The following STAB2 variants were observed in gnomAD, a reference collection of about 807,000 sequenced individuals.
The protein encoded by STAB2 is stabilin 2, also known as stabilin-2.
A neutral mutation model predicts 338.1 loss-of-function variants in STAB2; 288 were observed. The ratio of observed to expected loss-of-function variants is 0.85; its 90% CI spans 0.77 to 0.94. STAB2 has a LOEUF of 0.94. Among genes scored for constraint, STAB2 ranks in the 40% least tolerant of loss-of-function variants. The probability of loss-of-function intolerance (pLI) is 0.00; values close to 1 mark genes in which losing one functional copy is unlikely to be tolerated. For missense variants in STAB2, 3,141 were observed against 3,210.1 expected, an observed-to-expected ratio of 0.98 and a Z score of 0.52; for synonymous variants, 1,202 against 1,193.3, an observed-to-expected ratio of 1.01 and a Z score of -0.15.
intron 39 of STAB2, chr12:103,711,266 A>G (rs1434128606): frequency 4.9e-6 from 3 of 613,978 alleles, no homozygotes; most frequent in Non-Finnish European, 5.7e-6. Flanking sequence ...AACAGAAGAC[A>G]CCATCAATGT....
chr12:103,622,753 C>T (rs1957321752), intron 5 of STAB2, among the ~76,000 whole-genome samples: 1 of 152,180 alleles, frequency 6.6e-6, no homozygotes, highest in African/African-American at 2.4e-5. Context: ...TCAGCTACTC[C>T]CCGGAAATGC....
chr12:103,711,126 G>A (rs930560486), intron 39 of STAB2, among the ~76,000 whole-genome samples: 3 of 152,152 alleles, frequency 2.0e-5, no homozygotes, highest in African/African-American at 7.2e-5. Context: ...ACAAATAAAA[G>A]TAGAAAATCA....
At chr12:103,736,283 A>G (rs1235243875) in intron 52 of STAB2, among the ~76,000 whole-genome samples, 1 of 152,170 alleles carries the variant, frequency 6.6e-6, no homozygotes, top group African/African-American at 2.4e-5. Context: ...TCCAGGCACC[A>G]TGTCTACTTT....
chr12:103,755,584 TG>T (rs1427041452), intron 62 of STAB2, 27 bp from the exon 63 acceptor site: 2 of 1,613,696 alleles, frequency 1.2e-6, no homozygotes, highest in Admixed American at 3.3e-5. Flanking sequence ...CTTACTTGTG[TG>T]GGACCCTGTG....
At position 103,762,256 on chromosome 12, in the gene STAB2, T is replaced by C; in HGVS notation, c.7360-18T>C. ...CAGAAGTTTTAAGAATGGGCCCCTT[T>C]CCTTTCTTTGTGTTCAGACCTTGAC... is the stretch of plus-strand genomic sequence containing the variant. On this transcript the variant is annotated intron_variant, in intron 66 of 68. Coordinates refer to ENST00000388887, the MANE Select transcript of STAB2 (RefSeq NM_017564.10). 6.2e-7 allele frequency: 1 copy of C among 1,612,874 alleles called. No homozygotes were observed. The highest frequency in any genetic ancestry group is 8.5e-7 in the Non-Finnish European group (1 of 1,179,672).
chr12:103,691,271 G>A (rs889044865), intron 30 of STAB2, among the ~76,000 whole-genome samples: 2 of 152,166 alleles, frequency 1.3e-5, no homozygotes, highest in African/African-American at 4.8e-5. Context: ...TGAACCATGG[G>A]CTACAGTCAA....
chr12:103,639,158 G>T (rs985231711), intron 8 of STAB2, among the ~76,000 whole-genome samples: 1 of 152,108 alleles, frequency 6.6e-6, no homozygotes, highest in Non-Finnish European at 1.5e-5. Flanking sequence ...TCAAGACCTC[G>T]CATGTGAGAT....
chr12:103,711,526 C>G lies in STAB2; in HGVS notation c.4334+10C>G, dbSNP rs1879857431. 1 of 1,613,912 alleles carries G rather than the reference C, an allele frequency of 6.2e-7. No individual in the cohort carries two copies. Among genetic ancestry groups the G allele is most frequent in the African/African-American group, 1.3e-5 (1 of 74,900 alleles). Reference sequence around the variant, plus strand: ...GCCATACCAGCGCCAAGTAGGTAGCCCTGGGCCACCTCTGGGGACAGTGTA... The same window carrying G: ...GCCATACCAGCGCCAAGTAGGTAGCGCTGGGCCACCTCTGGGGACAGTGTA... On this transcript the variant is annotated intron_variant, in intron 40 of 68. Coordinates refer to ENST00000388887, the MANE Select transcript of STAB2 (RefSeq NM_017564.10).
chr12:103,650,369 T>C (rs562778834), intron 10 of STAB2, 127 bp from the exon 11 acceptor site: 6 of 666,468 alleles, frequency 9.0e-6, no homozygotes, highest in African/African-American at 5.4e-5. Flanking sequence ...GGCCTACACA[T>C]GCCCATTAGA....
chr12:103,688,552 T>C (rs1016128738), intron 28 of STAB2, among the ~76,000 whole-genome samples: 2 of 152,178 alleles, frequency 1.3e-5, no homozygotes, highest in African/African-American at 4.8e-5. Context: ...CGATTTGGGA[T>C]TTATAGCTGC....
At position 103,587,364 on chromosome 12, in the gene STAB2, T is replaced by C. The variant is rs1956725757; in HGVS notation, c.-113T>C. 2 of 892,304 alleles carry C rather than the reference T, an allele frequency of 2.2e-6. No homozygotes were observed. The highest frequency in any genetic ancestry group is 4.8e-5 in the Admixed American group (2 of 41,734). The allele number at this position is 892,304 out of a possible 1,614,324, so 55.3% of individuals were successfully genotyped here. On this transcript the variant is annotated 5_prime_UTR_variant, in exon 1 of 69. Coordinates refer to ENST00000388887, the MANE Select transcript of STAB2 (RefSeq NM_017564.10). ...CTAGGAAAAAGGAAAGGAAGGGATTTAAAAGTAAACAGTGAAATGAGAAAG... is the reference window on the plus strand; with the variant it reads ...CTAGGAAAAAGGAAAGGAAGGGATTCAAAAGTAAACAGTGAAATGAGAAAG...
At chr12:103,589,239 A>T (rs1593113617) in intron 1 of STAB2, among the ~76,000 whole-genome samples, 1 of 152,332 alleles carries the variant, frequency 6.6e-6, no homozygotes, top group East Asian at 1.9e-4. Flanking sequence ...TGACATTTCC[A>T]CCACGACCAA....
Position 103,617,686 on chromosome 12 carries a change from C to T in STAB2, c.332-2782C>T, listed in dbSNP as rs947165688. Reference sequence around the variant, plus strand: ...CAACCCAAACCAATGTCTTGCTTTTCGAATACTTATGAATATTAGCTACCC... The same window carrying T: ...CAACCCAAACCAATGTCTTGCTTTTTGAATACTTATGAATATTAGCTACCC... On this transcript the variant is annotated intron_variant, in intron 3 of 68. Transcript: ENST00000388887. Among the ~76,000 whole-genome samples the T allele has an allele frequency of 3.9e-5, 6 of 152,198 alleles. No homozygotes were observed. The South Asian group carries it at 6.2e-4, about 16-fold the overall frequency.
intron 20 of STAB2, 34 bp from the exon 21 acceptor site, chr12:103,669,507 G>A (rs546229014): frequency 1.2e-5 from 18 of 1,560,844 alleles, no homozygotes; most frequent in Non-Finnish European, 1.6e-5. Flanking sequence ...CTCTACTTGG[G>A]GGTTCAAAGG....
intron 16 of STAB2, 128 bp from the exon 17 acceptor site, chr12:103,660,555 C>G: frequency 7.7e-7 from 1 of 1,305,492 alleles, no homozygotes; most frequent in East Asian, 2.3e-5. Flanking sequence ...GCCACAAAAA[C>G]TCTTGAGATC....
intron 50 of STAB2, among the ~76,000 whole-genome samples, chr12:103,732,308 CAAAAA>C (rs777750822): frequency 6.6e-6 from 1 of 151,684 alleles, no homozygotes; most frequent in Non-Finnish European, 1.5e-5. Context: ...GACTCCATCT[CAAAAA>C]CAAAAAAGAC....
intron 9 of STAB2, among the ~76,000 whole-genome samples, chr12:103,646,875 T>C (rs914974128): frequency 6.6e-6 from 1 of 152,166 alleles, no homozygotes; most frequent in African/African-American, 2.4e-5. Flanking sequence ...AGGGTTGTGA[T>C]AGAGGTATCG....
chr12:103,630,712 G>C (rs1957446920), intron 5 of STAB2, among the ~76,000 whole-genome samples: 1 of 152,156 alleles, frequency 6.6e-6, no homozygotes, highest in South Asian at 2.1e-4. Context: ...CCTGAAGATG[G>C]AGAAAGGGTT....
At chr12:103,639,307 G>T (rs898032332) in intron 8 of STAB2, among the ~76,000 whole-genome samples, 2 of 152,068 alleles carry the variant, frequency 1.3e-5, no homozygotes, top group Non-Finnish European at 2.9e-5. Flanking sequence ...CACATTTTGG[G>T]CTGGATAATT....
Sources: gnomAD v4.1 joint callset for allele counts (sites outside exome capture counted in the v4.1 genomes callset) on GRCh38, gnomAD v4.1.1 for gene constraint, MANE v1.5 for transcripts, NCBI Gene and HGNC (gene_info 2026-07-23, HGNC 2026-07-21) for gene names.